Variants in CNTN4 observed in about 807,000 individuals in gnomAD.
CNTN4 encodes contactin 4, also known as contactin-4.
A neutral mutation model predicts 122.5 loss-of-function variants in CNTN4; 77 were observed. The ratio of observed to expected loss-of-function variants is 0.63; its 90% CI spans 0.52 to 0.76. The LOEUF is 0.76. Ranked by LOEUF, CNTN4 falls within the 30% of genes least tolerant of loss-of-function variation. CNTN4 has a pLI of 0.00. For missense variants in CNTN4, 1,256 were observed against 1,259.1 expected, an observed-to-expected ratio of 1.00 and a Z score of 0.04; for synonymous variants, 512 against 447.0, an observed-to-expected ratio of 1.15 and a Z score of -1.83.
intron 12 of CNTN4, among the ~76,000 whole-genome samples, chr3:2,907,906 G>A (rs2094255422): frequency 6.6e-6 from 1 of 152,216 alleles, no homozygotes; most frequent in Non-Finnish European, 1.5e-5. Flanking sequence ...TTTATCTTGA[G>A]GTCAGTATAT....
intron 2 of CNTN4, among the ~76,000 whole-genome samples, chr3:2,222,807 G>A (rs932808986): frequency 1.4e-4 from 21 of 152,238 alleles, no homozygotes; most frequent in Admixed American, 1.2e-3. Context: ...GAATTTGTAA[G>A]TCAGATTGTC....
chr3:2,205,686 C>A (rs2038309365), intron 2 of CNTN4, among the ~76,000 whole-genome samples: 1 of 152,124 alleles, frequency 6.6e-6, no homozygotes, highest in Admixed American at 6.6e-5. Context: ...AAAACATAGT[C>A]CCTCAGCTTT....
chr3:2,812,362 T>G (rs527561474), intron 6 of CNTN4, among the ~76,000 whole-genome samples: 1 of 151,860 alleles, frequency 6.6e-6, no homozygotes, highest in Non-Finnish European at 1.5e-5. Context: ...CAGAAGATTA[T>G]AGGAAGAATT....
At chr3:2,124,472 A>ACACACACC (rs761202551) in intron 2 of CNTN4, among the ~76,000 whole-genome samples, 4 of 128,062 alleles carry the variant, frequency 3.1e-5, no homozygotes, top group Non-Finnish European at 6.6e-5. Flanking sequence ...ACACACACAC[A>ACACACACC]CCCCCTTAAG....
At chr3:2,955,632 G>A (rs1051198455) in intron 13 of CNTN4, among the ~76,000 whole-genome samples, 3 of 152,220 alleles carry the variant, frequency 2.0e-5, no homozygotes, top group Admixed American at 6.5e-5. Context: ...GACATGAAAT[G>A]CTGGGATTAA....
At chr3:2,728,015 C>T (rs974258684) in intron 4 of CNTN4, among the ~76,000 whole-genome samples, 11 of 152,146 alleles carry the variant, frequency 7.2e-5, no homozygotes, top group Admixed American at 3.9e-4. Context: ...TCAATAGAAA[C>T]GCTGTGTGTT....
intron 13 of CNTN4, among the ~76,000 whole-genome samples, chr3:2,969,723 TAGAAC>T (rs1692707405): frequency 6.6e-6 from 1 of 152,114 alleles, no homozygotes; most frequent in Non-Finnish European, 1.5e-5. Flanking sequence ...GGCTAAAACA[TAGAAC>T]AGACCAACAA....
rs554812469 is a variant in CNTN4, at chr3:2,279,094, C to T, written c.-144-60084C>T. On this transcript the variant is annotated intron_variant, in intron 2 of 24. Transcript: ENST00000418658. ...ATACCTGGCCTAAGTGGCTTGCTCA[C>T]GTTATCTAAGTAGAAACAAACTGAA... is the stretch of plus-strand genomic sequence containing the variant. Among the ~76,000 whole-genome samples the T allele has an allele frequency of 2.4e-4, 37 of 151,734 alleles. No homozygotes were observed. In the South Asian group the frequency reaches 6.0e-3, roughly 25 times the overall value.
At chr3:2,902,424 G>T (rs2094185026) in intron 11 of CNTN4, among the ~76,000 whole-genome samples, 1 of 152,042 alleles carries the variant, frequency 6.6e-6, no homozygotes, top group Non-Finnish European at 1.5e-5. Context: ...ATTTGCCTCT[G>T]TTTCATCCAA....
intron 7 of CNTN4, among the ~76,000 whole-genome samples, chr3:2,831,298 TA>T (rs1278403156): frequency 4.6e-5 from 7 of 152,196 alleles, no homozygotes; most frequent in Admixed American, 1.3e-4. Context: ...ACAATATGGA[TA>T]AAAAACTTTT....
chr3:2,584,760 A>G (rs1277261409), intron 4 of CNTN4, among the ~76,000 whole-genome samples: 2 of 151,540 alleles, frequency 1.3e-5, no homozygotes, highest in African/African-American at 2.4e-5. Context: ...TTCCCTCACT[A>G]TCAAATAATT....
intron 3 of CNTN4, chr3:2,511,498 C>T (rs185818327): frequency 2.6e-5 from 4 of 152,350 alleles, no homozygotes; most frequent in East Asian, 1.9e-4. Context: ...CCATGCAGCG[C>T]GCAGCGGAGA....
At chr3:2,674,349 G>A (rs1345290606) in intron 4 of CNTN4, among the ~76,000 whole-genome samples, 2 of 151,974 alleles carry the variant, frequency 1.3e-5, no homozygotes, top group East Asian at 3.9e-4. Context: ...TATATATAAT[G>A]TACAATGATC....
chr3:2,678,858 T>A (rs911036958), intron 4 of CNTN4, among the ~76,000 whole-genome samples: 3 of 152,162 alleles, frequency 2.0e-5, no homozygotes, highest in African/African-American at 7.2e-5. Flanking sequence ...CCCTAGAAAG[T>A]CAACAGATGA....
At chr3:2,281,303 T>G (rs1416105210) in intron 2 of CNTN4, among the ~76,000 whole-genome samples, 1 of 152,200 alleles carries the variant, frequency 6.6e-6, no homozygotes, top group East Asian at 1.9e-4. Context: ...TGATGACAAT[T>G]CTTTCCATAT....
chr3:2,784,822 G>T (rs183168870), intron 6 of CNTN4, among the ~76,000 whole-genome samples: 2 of 152,302 alleles, frequency 1.3e-5, no homozygotes, highest in East Asian at 3.9e-4. Context: ...ATGGTTTTAA[G>T]AATTCAATAC....
At chr3:2,164,626 A>C (rs1362571912) in intron 2 of CNTN4, among the ~76,000 whole-genome samples, 1 of 152,212 alleles carries the variant, frequency 6.6e-6, no homozygotes, top group Non-Finnish European at 1.5e-5. Flanking sequence ...AAAAGTTGAC[A>C]CAGAAAAACA....
intron 2 of CNTN4, among the ~76,000 whole-genome samples, chr3:2,331,630 G>A (rs1166387324): frequency 1.3e-5 from 2 of 152,146 alleles, no homozygotes; most frequent in Non-Finnish European, 2.9e-5. Flanking sequence ...CTGTATGGCA[G>A]ATGCACCTGA....
At chr3:2,274,991 C>T (rs1289446613) in intron 2 of CNTN4, among the ~76,000 whole-genome samples, 1 of 152,182 alleles carries the variant, frequency 6.6e-6, no homozygotes, top group African/African-American at 2.4e-5. Flanking sequence ...CAAATCCAAA[C>T]ATCTGACTGG....
Sources: allele counts gnomAD v4.1 joint callset (sites outside exome capture counted in the v4.1 genomes callset), GRCh38; gene constraint gnomAD v4.1.1; transcripts MANE v1.5; gene names NCBI Gene and HGNC (gene_info 2026-07-23, HGNC 2026-07-21).